The following BAZ2B variants were observed in gnomAD, a reference collection of about 807,000 sequenced individuals.
BAZ2B encodes the protein bromodomain adjacent to zinc finger domain 2B.
A neutral mutation model predicts 246.0 loss-of-function variants in BAZ2B; 91 were observed. The observed-to-expected ratio is 0.37, with a 90% confidence interval of 0.31 to 0.44. The LOEUF (loss-of-function observed/expected upper bound fraction) is 0.44, where lower values mean the gene tolerates loss of function less well. Ranked by LOEUF, BAZ2B falls within the 20% of genes least tolerant of loss-of-function variation. BAZ2B has a pLI of 1.00. For missense variants in BAZ2B, 2,332 were observed against 2,533.7 expected, an observed-to-expected ratio of 0.92 and a Z score of 1.71; for synonymous variants, 855 against 860.0, an observed-to-expected ratio of 0.99 and a Z score of 0.10.
chr2:159,394,928 T>C (rs1180389557), intron 20 of BAZ2B, among the ~76,000 whole-genome samples: 1 of 152,194 alleles, frequency 6.6e-6, no homozygotes, highest in Non-Finnish European at 1.5e-5. Flanking sequence ...ACCTATTTTC[T>C]CTACACATCA....
chr2:159,387,861 T>C (rs946594575), intron 21 of BAZ2B, among the ~76,000 whole-genome samples: 2 of 152,136 alleles, frequency 1.3e-5, no homozygotes, highest in Non-Finnish European at 2.9e-5. Flanking sequence ...TATATACCCA[T>C]TCTCTGCTTA....
chr2:159,539,057 G>C (rs146899106), intron 2 of BAZ2B, among the ~76,000 whole-genome samples: 14 of 152,106 alleles, frequency 9.2e-5, no homozygotes, highest in African/African-American at 3.4e-4. Flanking sequence ...CAAAACGCAG[G>C]GGGCGGAAAT....
At chr2:159,516,625 T>C (rs1410976248) in intron 2 of BAZ2B, 2 of 152,554 alleles carry the variant, frequency 1.3e-5, no homozygotes, top group African/African-American at 2.4e-5. Context: ...AAATAGTACT[T>C]CCTGCAGTTT....
the BAZ2B span, among the ~76,000 whole-genome samples, chr2:159,672,315 C>T: frequency 6.6e-6 from 1 of 152,108 alleles, no homozygotes; most frequent in Non-Finnish European, 1.5e-5. Flanking sequence ...CTGATTTATA[C>T]CAGTCAATCA....
intron 14 of BAZ2B, among the ~76,000 whole-genome samples, 169 bp from the exon 15 acceptor site, chr2:159,405,283 C>T (rs1011107966): frequency 3.9e-5 from 6 of 152,082 alleles, no homozygotes; most frequent in Non-Finnish European, 7.4e-5. Flanking sequence ...GCGATCGCGG[C>T]TCACTGCAAT....
chr2:159,405,764 T>C (rs4664284), intron 14 of BAZ2B, among the ~76,000 whole-genome samples: 56,267 of 151,762 alleles, frequency 0.37, 11,619 homozygotes, highest in Non-Finnish European at 0.49. Flanking sequence ...AGTGGGAAAA[T>C]AGCTGCTAAT....
rs34097173 is a variant in BAZ2B, at chr2:159,429,211, T to A, written c.2244A>T (p.Pro748=). The change falls in exon 11 of 37, where the codon CCA becomes CCT. Residue 748 remains proline (P), a synonymous_variant. Transcript: ENST00000392783. ...RVTDERELRI[P]LEYGWQRETR... is the part of the protein sequence containing the mutation. ...CTTATTTTGCATACCCATATTCCAATGGAATACGCAGTTCACGTTCATCTG... is the reference window on the plus strand; with the variant it reads ...CTTATTTTGCATACCCATATTCCAAAGGAATACGCAGTTCACGTTCATCTG... The A allele has an allele frequency of 6.4e-7, 1 of 1,551,118 alleles. No individual in the cohort carries two copies. Among genetic ancestry groups the A allele is most frequent in the East Asian group, 2.3e-5 (1 of 44,332 alleles).
the BAZ2B span, chr2:159,689,869 C>A: frequency 6.8e-6 from 3 of 438,770 alleles, no homozygotes; most frequent in South Asian, 8.5e-5. Flanking sequence ...CATAAGAGGT[C>A]ATCCATATCT....
chr2:159,631,857 A>T, the BAZ2B span, among the ~76,000 whole-genome samples: 1 of 152,246 alleles, frequency 6.6e-6, no homozygotes, highest in East Asian at 1.9e-4. Flanking sequence ...CAAATGGTAC[A>T]TGCAAATATA....
intron 34 of BAZ2B, among the ~76,000 whole-genome samples, chr2:159,328,984 C>T (rs2064206370): frequency 6.6e-6 from 1 of 151,802 alleles, no homozygotes; most frequent in African/African-American, 2.4e-5. Context: ...AAAAGTTAAC[C>T]AGGCATTGTG....
At chr2:159,674,276 A>G in the BAZ2B span, among the ~76,000 whole-genome samples, 1 of 150,602 alleles carries the variant, frequency 6.6e-6, no homozygotes, top group African/African-American at 2.4e-5. Context: ...TGAGGGCTGC[A>G]GTAAGCTGTG....
At chr2:159,365,954 G>A (rs778438992) in intron 27 of BAZ2B, among the ~76,000 whole-genome samples, 2 of 152,224 alleles carry the variant, frequency 1.3e-5, no homozygotes, top group Non-Finnish European at 2.9e-5. Flanking sequence ...CACAATGACA[G>A]TGCAAAGCTA....
At chr2:159,557,996 T>G (rs1367907033) in intron 1 of BAZ2B, among the ~76,000 whole-genome samples, 3 of 151,364 alleles carry the variant, frequency 2.0e-5, no homozygotes, top group African/African-American at 4.9e-5. Flanking sequence ...AGGGTCTGGA[T>G]AGTGAAGAAG....
chr2:159,318,545 G>C (rs2148693404), downstream of BAZ2B, among the ~76,000 whole-genome samples: 1 of 152,322 alleles, frequency 6.6e-6, no homozygotes, highest in South Asian at 2.1e-4. Context: ...GGCCTGTCTT[G>C]TACGCCAATG....
At chr2:159,446,105 C>A (rs1002117414) in intron 6 of BAZ2B, among the ~76,000 whole-genome samples, 8 of 151,982 alleles carry the variant, frequency 5.3e-5, no homozygotes, top group African/African-American at 1.7e-4. Context: ...CAGAGCCAGA[C>A]TCTGTCAAAG....
At chr2:159,638,002 C>A in the BAZ2B span, among the ~76,000 whole-genome samples, 2 of 152,258 alleles carry the variant, frequency 1.3e-5, no homozygotes, top group Non-Finnish European at 2.9e-5. Flanking sequence ...AGGTCTGACC[C>A]ACTGCAGTAA....
chr2:159,392,285 T>C (rs572813693), intron 20 of BAZ2B: 1 of 152,198 alleles, frequency 6.6e-6, no homozygotes, highest in Non-Finnish European at 1.5e-5. Context: ...TGTACCTTTG[T>C]ATATGCCATA....
chr2:159,709,520 A>T, the BAZ2B span, among the ~76,000 whole-genome samples: 1 of 152,246 alleles, frequency 6.6e-6, no homozygotes, highest in African/African-American at 2.4e-5. Flanking sequence ...CCTTGACTTG[A>T]TCATTACACA....
chr2:159,469,614 T>C (rs770387597), intron 3 of BAZ2B, among the ~76,000 whole-genome samples: 1 of 152,050 alleles, frequency 6.6e-6, no homozygotes. Flanking sequence ...TTTTTATATA[T>C]ATTTTTAGTA....
Sources: allele counts gnomAD v4.1 joint callset (sites outside exome capture counted in the v4.1 genomes callset), GRCh38; gene constraint gnomAD v4.1.1; transcripts MANE v1.5; gene names NCBI Gene and HGNC (gene_info 2026-07-23, HGNC 2026-07-21).